Variants in SGMS1 observed in about 807,000 individuals in gnomAD.
The protein encoded by SGMS1 is sphingomyelin synthase 1.
In SGMS1, 13 loss-of-function variants were observed where a neutral mutation model predicts 46.2. That is an observed-to-expected ratio of 0.28 (90% CI 0.18 to 0.45). SGMS1 has a LOEUF of 0.45. Among genes scored for constraint, SGMS1 ranks in the 20% least tolerant of loss-of-function variants. SGMS1 has a pLI of 1.00. For synonymous variants in SGMS1, 203 were observed against 187.8 expected (o/e 1.08, Z -0.66); for missense variants, 324 against 519.9 (o/e 0.62, Z 3.66).
At chr10:50,343,246 G>A in intron 7 of SGMS1, 1 of 382,730 alleles carries the variant, frequency 2.6e-6, no homozygotes. Context: ...AGTGAAAACA[G>A]AGCATCATCT....
chr10:50,348,523 T>C (rs560573601), intron 6 of SGMS1, among the ~76,000 whole-genome samples: 2 of 152,004 alleles, frequency 1.3e-5, no homozygotes, highest in East Asian at 3.9e-4. Flanking sequence ...ACACTGATAA[T>C]AGACAAGCAG....
At chr10:50,320,556 T>C (rs1034537696) in intron 8 of SGMS1, among the ~76,000 whole-genome samples, 1 of 152,188 alleles carries the variant, frequency 6.6e-6, no homozygotes, top group African/African-American at 2.4e-5. Context: ...GCTAAAACTT[T>C]TCCTGGCTTC....
intron 6 of SGMS1, among the ~76,000 whole-genome samples, chr10:50,388,495 AT>A (rs766734822): frequency 3.4e-5 from 5 of 146,424 alleles, no homozygotes; most frequent in Non-Finnish European, 7.5e-5. Flanking sequence ...AAAAAAAAAA[AT>A]TTGCCAGGCA....
intron 1 of SGMS1, among the ~76,000 whole-genome samples, chr10:50,619,927 T>C (rs1458076915): frequency 6.6e-6 from 1 of 152,110 alleles, no homozygotes; most frequent in Non-Finnish European, 1.5e-5. Flanking sequence ...TGTGTGTCTC[T>C]TTCTCTGTGT....
intron 2 of SGMS1, among the ~76,000 whole-genome samples, chr10:50,560,300 G>A (rs1304671392): frequency 7.4e-6 from 1 of 135,094 alleles, no homozygotes; most frequent in African/African-American, 2.8e-5. Flanking sequence ...TATAATATAT[G>A]CATATATTAC....
chr10:50,542,820 C>T (rs1210477783), intron 2 of SGMS1, among the ~76,000 whole-genome samples: 1 of 134,434 alleles, frequency 7.4e-6, no homozygotes, highest in Admixed American at 7.8e-5. Context: ...ACCATTCCTG[C>T]AGGGTTTTTT....
intron 3 of SGMS1, among the ~76,000 whole-genome samples, chr10:50,483,307 T>C (rs1053656566): frequency 2.0e-5 from 3 of 152,204 alleles, no homozygotes; most frequent in African/African-American, 7.2e-5. Flanking sequence ...CTTGAACTCC[T>C]GACCTCAAGT....
intron 2 of SGMS1, among the ~76,000 whole-genome samples, chr10:50,564,673 G>C (rs975002282): frequency 2.0e-5 from 3 of 152,178 alleles, no homozygotes; most frequent in East Asian, 3.8e-4. Flanking sequence ...ACAGTTAATG[G>C]ATTACAATAA....
intron 6 of SGMS1, among the ~76,000 whole-genome samples, chr10:50,383,761 T>C (rs752155576): frequency 6.6e-6 from 1 of 152,160 alleles, no homozygotes; most frequent in Non-Finnish European, 1.5e-5. Flanking sequence ...GATATATCCA[T>C]TGCTTTTCTT....
chr10:50,541,763 T>A (rs1048045502), intron 2 of SGMS1, among the ~76,000 whole-genome samples: 1 of 152,136 alleles, frequency 6.6e-6, no homozygotes, highest in Non-Finnish European at 1.5e-5. Flanking sequence ...AGAACCAGGG[T>A]GGAGCCTCCA....
At position 50,590,058 on chromosome 10, in the gene SGMS1, T is replaced by C. The variant is rs1588885938; in HGVS notation, c.-589+95A>G. 7 of 152,462 alleles carry C rather than the reference T, an allele frequency of 4.6e-5. 1 individual carries two copies. Among genetic ancestry groups the C allele is most frequent in the Admixed American group, 3.9e-4 (6 of 15,304 alleles). 9.4% of individuals were successfully genotyped at this position (152,462 alleles called of 1,614,324 possible). A position where few individuals can be genotyped will look rare whatever the true frequency, so the allele number is the denominator to read the frequency against. On this transcript the variant is annotated intron_variant, in intron 2 of 10. Transcript: ENST00000361781. ...GCTAATAACTGTTAAAGCTAAGGTG[T>C]AGATAGGCAGGAACTCATTGCACGT...
chr10:50,369,788 C>G (rs1848406726), intron 6 of SGMS1, among the ~76,000 whole-genome samples: 1 of 152,204 alleles, frequency 6.6e-6, no homozygotes, highest in Non-Finnish European at 1.5e-5. Flanking sequence ...TCATGTGTCA[C>G]TTCACGACGA....
intron 5 of SGMS1, among the ~76,000 whole-genome samples, chr10:50,443,321 C>T (rs890128795): frequency 2.0e-5 from 3 of 151,720 alleles, no homozygotes; most frequent in African/African-American, 7.3e-5. Flanking sequence ...CTATTTGAGC[C>T]AAAGTTTGTG....
At chr10:50,603,435 A>T (rs2131914273) in intron 1 of SGMS1, among the ~76,000 whole-genome samples, 1 of 152,132 alleles carries the variant, frequency 6.6e-6, no homozygotes, top group East Asian at 1.9e-4. Flanking sequence ...ACTATCTGAT[A>T]CTCCTTCTCT....
intron 2 of SGMS1, among the ~76,000 whole-genome samples, chr10:50,559,978 T>C (rs928907365): frequency 6.6e-6 from 1 of 151,448 alleles, no homozygotes; most frequent in Admixed American, 6.6e-5. Flanking sequence ...AGAATGTGGT[T>C]TTGTAGTAGG....
chr10:50,327,323 C>A lies in SGMS1; in HGVS notation c.624-1G>T. 6.4e-7 allele frequency: 1 copy of A among 1,560,224 alleles called. No individual in the cohort carries two copies. Among genetic ancestry groups the A allele is most frequent in the Non-Finnish European group, 8.8e-7 (1 of 1,135,974 alleles). On this transcript the variant is annotated splice_acceptor_variant, in intron 7 of 10. Coordinates refer to ENST00000361781, the MANE Select transcript of SGMS1 (RefSeq NM_147156.4). LOFTEE classifies it high-confidence loss of function. ...GAAAAATCTTCTGCTAATAATAGACCTAGAAAAAGGGAAAAACAGGGCAGA... is the reference window on the plus strand; with the variant it reads ...GAAAAATCTTCTGCTAATAATAGACATAGAAAAAGGGAAAAACAGGGCAGA...
chr10:50,614,707 T>C (rs1226209866), intron 1 of SGMS1, among the ~76,000 whole-genome samples: 1 of 152,248 alleles, frequency 6.6e-6, no homozygotes, highest in Non-Finnish European at 1.5e-5. Flanking sequence ...TCTGAGGTCA[T>C]GGGAATGCCC....
At chr10:50,437,275 T>C (rs1307027421) in intron 5 of SGMS1, among the ~76,000 whole-genome samples, 2 of 152,220 alleles carry the variant, frequency 1.3e-5, no homozygotes, top group African/African-American at 4.8e-5. Flanking sequence ...ATATCTCATG[T>C]AGCAATAAAG....
In SGMS1 at chr10:50,368,015, G is replaced by A. The variant is rs561140117; in HGVS notation, c.-231-23670C>T. On this transcript the variant is annotated intron_variant, in intron 6 of 10. Coordinates refer to ENST00000361781, the MANE Select transcript of SGMS1 (RefSeq NM_147156.4). ...CCTTCTCAAGTTATACAGCATCTTA[G>A]AGATAGCTTCCAATAGATGTCCTGG... 4.6e-5 allele frequency among the ~76,000 whole-genome samples: 7 copies of A among 152,316 alleles called. No homozygotes were observed. In the East Asian group the frequency reaches 1.4e-3, roughly 29 times the overall value.
Sources: allele counts gnomAD v4.1 joint callset (sites outside exome capture counted in the v4.1 genomes callset), GRCh38; gene constraint gnomAD v4.1.1; transcripts MANE v1.5; gene names NCBI Gene and HGNC (gene_info 2026-07-23, HGNC 2026-07-21).